Variants in CCDC125 observed in about 807,000 individuals in gnomAD.
The protein encoded by CCDC125 is coiled-coil domain-containing protein 125.
CCDC125 carries 43 observed loss-of-function variants against 57.4 expected under a neutral mutation model. The observed-to-expected ratio is 0.75, with a 90% CI of 0.59 to 0.97. The LOEUF (loss-of-function observed/expected upper bound fraction) is 0.97, where lower values mean the gene tolerates loss of function less well. CCDC125 is among the 50% of genes least tolerant of loss of function. CCDC125 has a pLI of 0.00. For synonymous variants in CCDC125, 187 were observed against 195.2 expected (o/e 0.96, Z 0.35); for missense variants, 563 against 595.7 (o/e 0.95, Z 0.57).
chr5:69,296,866 A>G (rs562453733), intron 8 of CCDC125, among the ~76,000 whole-genome samples: 2 of 152,012 alleles, frequency 1.3e-5, no homozygotes, highest in African/African-American at 4.8e-5. Flanking sequence ...CGGGAGGCTG[A>G]GGCAGGAGAA....
chr5:69,296,119 T>C (rs1480903121), intron 8 of CCDC125, among the ~76,000 whole-genome samples: 1 of 151,952 alleles, frequency 6.6e-6, no homozygotes, highest in Non-Finnish European at 1.5e-5. Context: ...CCTGACCTCG[T>C]GATCTGCCCG....
chr5:69,308,032 A>C lies in CCDC125; in HGVS notation c.454-4T>G. On this transcript the variant is annotated splice_region_variant and splice_polypyrimidine_tract_variant and intron_variant, in intron 4 of 11. Coordinates refer to ENST00000396496, the MANE Select transcript of CCDC125 (RefSeq NM_176816.5). ...TTGTGGCTTTGCCCAGTATTGCCTA[A>C]GAAAAATAAAACTAGCATCAGTATA... is the stretch of plus-strand genomic sequence containing the variant. 6.2e-7 allele frequency: 1 copy of C among 1,607,924 alleles called. No individual in the cohort carries two copies. The highest frequency in any genetic ancestry group is 8.5e-7 in the Non-Finnish European group (1 of 1,174,484).
chr5:69,275,744 C>T (rs1304157252), downstream of CCDC125, among the ~76,000 whole-genome samples: 4 of 152,102 alleles, frequency 2.6e-5, no homozygotes, highest in Non-Finnish European at 4.4e-5. Context: ...GAGGCGGAGG[C>T]GGGAGGATAG....
At chr5:69,303,761 CTATTATACTTAATGT>C in intron 7 of CCDC125, 71 bp downstream of exon 7, 1 of 759,504 alleles carries the variant, frequency 1.3e-6, no homozygotes, top group Non-Finnish European at 2.2e-6. Context: ...TTTCTCCCCT[CTATTATACTTAATGT>C]ATATTATTTC....
Position 69,294,875 on chromosome 5 carries a change from C to A in CCDC125, c.842G>T (p.Cys281Phe). 1.9e-6 allele frequency: 3 copies of A among 1,613,978 alleles called. No homozygotes were observed. Among genetic ancestry groups the A allele is most frequent in the Non-Finnish European group, 1.7e-6 (2 of 1,179,988 alleles). ...ACAGGGGTTCCCTCCGGGCCCATGA[C>A]AAAGGCAGGCTCCGAGGACCGCAAG... ...LELAVLGACL[C>F]HGPGGNPCSC... Residue 281 changes from cysteine (C) to phenylalanine (F), a missense_variant, in exon 9 of 12, where the codon TGT becomes TTT. Physicochemically the swap from Cys to Phe is radical, Grantham distance 205 (BLOSUM62 -2). Coordinates refer to ENST00000396496, the MANE Select transcript of CCDC125 (RefSeq NM_176816.5).
At chr5:69,276,995 T>C (rs553984949), downstream of CCDC125, 19 of 894,834 alleles carry the variant, frequency 2.1e-5, no homozygotes, top group African/African-American at 3.2e-4. Context: ...GGAAAAAATG[T>C]GTCAGTGAAA....
intron 4 of CCDC125, 105 bp downstream of exon 4, chr5:69,311,013 C>T: frequency 1.6e-6 from 1 of 606,668 alleles, no homozygotes; most frequent in East Asian, 3.1e-5. Context: ...CCTAAAAAAA[C>T]CCTCAACTAT....
At position 69,298,452 on chromosome 5, in the gene CCDC125, G is replaced by A. The variant is rs190515830; in HGVS notation, c.816+1560C>T. On this transcript the variant is annotated intron_variant, in intron 8 of 11. Coordinates refer to ENST00000396496, the MANE Select transcript of CCDC125 (RefSeq NM_176816.5). ...ATTCTTTCTCACATCAGTGATAACC[G>A]TGAAGCACGGAGTGAGCTTTCAGTT... is the stretch of plus-strand genomic sequence containing the variant. Among the ~76,000 whole-genome samples, 58 of 152,302 alleles carry A rather than the reference G, an allele frequency of 3.8e-4. 1 individual carries two copies. In the East Asian group the frequency reaches 6.6e-3, roughly 17 times the overall value.
chr5:69,274,312 A>G, the CCDC125 span, among the ~76,000 whole-genome samples: 1 of 152,136 alleles, frequency 6.6e-6, no homozygotes, highest in Admixed American at 6.5e-5. Flanking sequence ...TGCATATAGA[A>G]CTGCTGTGAT....
At chr5:69,283,368 C>T (rs1269845499) in intron 11 of CCDC125, among the ~76,000 whole-genome samples, 4 of 151,512 alleles carry the variant, frequency 2.6e-5, no homozygotes, top group East Asian at 2.0e-4. Flanking sequence ...CACAGGTGCC[C>T]GCCACCACAC....
intron 10 of CCDC125, among the ~76,000 whole-genome samples, chr5:69,288,654 A>G (rs1001710155): frequency 6.6e-6 from 1 of 152,192 alleles, no homozygotes; most frequent in Non-Finnish European, 1.5e-5. Flanking sequence ...TAGCAAATCA[A>G]TGGAGCCTGA....
At chr5:69,283,708 G>A (rs917616772) in intron 11 of CCDC125, among the ~76,000 whole-genome samples, 2 of 149,046 alleles carry the variant, frequency 1.3e-5, no homozygotes, top group Non-Finnish European at 3.0e-5. Context: ...GGCTGGTCTC[G>A]AACTCCTGGC....
intron 2 of CCDC125, among the ~76,000 whole-genome samples, chr5:69,314,747 C>T (rs1292314540): frequency 1.3e-5 from 2 of 151,778 alleles, no homozygotes; most frequent in South Asian, 4.1e-4. Flanking sequence ...GAGGCTGCAG[C>T]GAGCTATGAC....
chr5:69,273,432 G>A, the CCDC125 span, among the ~76,000 whole-genome samples: 25,112 of 152,114 alleles, frequency 0.17, 3,471 homozygotes, highest in African/African-American at 0.37. Context: ...AAAGTAGTTT[G>A]TTCGGCTTAT....
chr5:69,296,280 G>A (rs1215406060), intron 8 of CCDC125, among the ~76,000 whole-genome samples: 1 of 152,054 alleles, frequency 6.6e-6, no homozygotes, highest in Non-Finnish European at 1.5e-5. Context: ...GGCCAGGCGC[G>A]GTGGCTCATG....
intron 3 of CCDC125, chr5:69,313,614 T>C: frequency 1.4e-6 from 1 of 731,760 alleles, no homozygotes; most frequent in Non-Finnish European, 2.5e-6. Context: ...ATAGGTTGCG[T>C]CATAGAGGGC....
chr5:69,327,378 GCCA>G (rs1007110696), intron 1 of CCDC125, among the ~76,000 whole-genome samples: 10 of 152,310 alleles, frequency 6.6e-5, no homozygotes, highest in African/African-American at 2.4e-4. Flanking sequence ...ACAGGCATGA[GCCA>G]CCCCGCCTGG....
At chr5:69,322,286 G>C (rs1180220357) in intron 1 of CCDC125, among the ~76,000 whole-genome samples, 2 of 152,030 alleles carry the variant, frequency 1.3e-5, no homozygotes, top group Non-Finnish European at 2.9e-5. Context: ...CGTGGGGGTG[G>C]GGAGCAGATA....
At chr5:69,298,630 T>C (rs898020683) in intron 8 of CCDC125, among the ~76,000 whole-genome samples, 1 of 152,200 alleles carries the variant, frequency 6.6e-6, no homozygotes, top group Non-Finnish European at 1.5e-5. Flanking sequence ...CCAGGACCCC[T>C]GACTCCCGGT....
Sources: allele counts gnomAD v4.1 joint callset (sites outside exome capture counted in the v4.1 genomes callset), GRCh38; gene constraint gnomAD v4.1.1; transcripts MANE v1.5; gene names NCBI Gene and HGNC (gene_info 2026-07-23, HGNC 2026-07-21).